Variants in ADRA1B observed in about 807,000 individuals in gnomAD.
ADRA1B encodes the protein adrenoceptor alpha 1B.
Under a neutral mutation model 17.9 loss-of-function variants are expected in ADRA1B, and 17 were observed. The observed-to-expected ratio is 0.95, with a 90% CI of 0.65 to 1.42. The LOEUF is 1.42. ADRA1B is among the 40% of genes most tolerant of loss of function. ADRA1B has a pLI of 0.00. For synonymous variants in ADRA1B, 366 were observed against 327.6 expected (o/e 1.12, Z -1.27); for missense variants, 681 against 722.1 (o/e 0.94, Z 0.65).
At chr5:159,987,222 C>T in the ADRA1B span, among the ~76,000 whole-genome samples, 3 of 152,350 alleles carry the variant, frequency 2.0e-5, no homozygotes, top group South Asian at 6.2e-4. Flanking sequence ...CCTCTGCAGG[C>T]CCGTAAATAT....
At chr5:159,876,950 T>C (rs1292096036) in intron 1 of ADRA1B, among the ~76,000 whole-genome samples, 2 of 152,182 alleles carry the variant, frequency 1.3e-5, no homozygotes, top group Non-Finnish European at 2.9e-5. Flanking sequence ...CAGGTTCCCA[T>C]CCCTACCAAG....
chr5:159,918,214 C>T (rs749353355), intron 1 of ADRA1B, among the ~76,000 whole-genome samples: 2 of 152,174 alleles, frequency 1.3e-5, no homozygotes, highest in Non-Finnish European at 2.9e-5. Context: ...GCTAAGGCAG[C>T]GTCACTAATG....
At chr5:159,887,419 C>T (rs1431965495) in intron 1 of ADRA1B, among the ~76,000 whole-genome samples, 1 of 152,192 alleles carries the variant, frequency 6.6e-6, no homozygotes, top group Non-Finnish European at 1.5e-5. Context: ...ATCATCTTAT[C>T]AGATGGATGT....
chr5:159,972,478 C>A lies in ADRA1B; in HGVS notation c.1549C>A (p.Pro517Thr). 7.2e-7 allele frequency: 1 copy of A among 1,383,868 alleles called. No individual in the cohort carries two copies. Among genetic ancestry groups the A allele is most frequent in the Non-Finnish European group, 9.5e-7 (1 of 1,056,010 alleles). The allele number at this position is 1,383,868 out of a possible 1,614,324, so 85.7% of individuals were successfully genotyped here. A position where few individuals can be genotyped will look rare whatever the true frequency, so the allele number is the denominator to read the frequency against. The change falls in exon 2 of 2, where the codon CCC (proline) becomes ACC (threonine). Residue 517 changes from proline to threonine, a missense_variant. Pro to Thr is a conservative substitution (Grantham distance 38). Transcript: ENST00000306675. ...PGFKSNMPLA[P>T]GQF ...CTTCAAAAGCAACATGCCCCTGGCG[C>A]CCGGGCAGTTTTAGGGCCCCCGTGC...
At chr5:159,910,070 G>T (rs1163664505) in intron 1 of ADRA1B, among the ~76,000 whole-genome samples, 1 of 152,022 alleles carries the variant, frequency 6.6e-6, no homozygotes, top group Non-Finnish European at 1.5e-5. Flanking sequence ...ATACATATAC[G>T]CACACACATA....
chr5:159,910,863 A>T (rs926966775), intron 1 of ADRA1B, among the ~76,000 whole-genome samples: 2 of 152,088 alleles, frequency 1.3e-5, no homozygotes, highest in African/African-American at 4.8e-5. Context: ...TAAGGAACCT[A>T]TTGCCATAGG....
At chr5:159,982,961 C>T in the ADRA1B span, among the ~76,000 whole-genome samples, 3 of 152,330 alleles carry the variant, frequency 2.0e-5, no homozygotes, top group East Asian at 1.9e-4. Context: ...TCTGAACGTG[C>T]GTGCACACAC....
intron 1 of ADRA1B, chr5:159,888,475 T>C (rs898398389): frequency 1.3e-5 from 2 of 152,018 alleles, no homozygotes; most frequent in African/African-American, 4.8e-5. Context: ...AAATGTAAAG[T>C]ATTTTATTCT....
chr5:159,953,879 T>C (rs891247456), intron 1 of ADRA1B, among the ~76,000 whole-genome samples: 2 of 151,588 alleles, frequency 1.3e-5, no homozygotes, highest in African/African-American at 4.9e-5. Context: ...TTTATCTATG[T>C]GAAAAGAGCT....
At chr5:159,967,116 T>C (rs1755790249) in intron 1 of ADRA1B, among the ~76,000 whole-genome samples, 1 of 152,198 alleles carries the variant, frequency 6.6e-6, no homozygotes, top group Non-Finnish European at 1.5e-5. Flanking sequence ...GTATTTTCAC[T>C]CTAGACTTAA....
At chr5:159,943,010 G>A (rs1321596374) in intron 1 of ADRA1B, among the ~76,000 whole-genome samples, 3 of 151,984 alleles carry the variant, frequency 2.0e-5, no homozygotes, top group African/African-American at 7.3e-5. Flanking sequence ...TCAGGAGTTC[G>A]AGACCAGTCT....
upstream of ADRA1B, among the ~76,000 whole-genome samples, chr5:159,914,107 G>A (rs79063318): frequency 0.015 from 2,248 of 152,216 alleles, 27 homozygotes; most frequent in Non-Finnish European, 0.022. Flanking sequence ...AGGTGCCTTC[G>A]GGGGCCACTT....
chr5:159,915,182 T>C (rs1581028849), upstream of ADRA1B, among the ~76,000 whole-genome samples: 1 of 152,132 alleles, frequency 6.6e-6, no homozygotes, highest in East Asian at 1.9e-4. Flanking sequence ...GGGGGAAAAG[T>C]ATGACACAGT....
intron 1 of ADRA1B, among the ~76,000 whole-genome samples, chr5:159,889,599 G>A (rs1561583352): frequency 6.6e-6 from 1 of 152,156 alleles, no homozygotes; most frequent in Non-Finnish European, 1.5e-5. Context: ...TCCTGATGGC[G>A]AAGTAGCCAC....
At chr5:159,891,441 A>G (rs1753982329) in intron 1 of ADRA1B, among the ~76,000 whole-genome samples, 1 of 152,142 alleles carries the variant, frequency 6.6e-6, no homozygotes, top group East Asian at 1.9e-4. Context: ...CTCAGCAAGA[A>G]GTAGGGTTCC....
chr5:159,936,117 C>G (rs749892327), intron 1 of ADRA1B, among the ~76,000 whole-genome samples: 3 of 152,152 alleles, frequency 2.0e-5, no homozygotes, highest in Non-Finnish European at 2.9e-5. Context: ...CCCCAGGGGA[C>G]GTTTAGCAAT....
chr5:159,933,766 A>T (rs1754876048), intron 1 of ADRA1B, among the ~76,000 whole-genome samples: 2 of 152,238 alleles, frequency 1.3e-5, no homozygotes, highest in South Asian at 4.1e-4. Flanking sequence ...CTGGCAGCCC[A>T]CATCAGTGGT....
downstream of ADRA1B, among the ~76,000 whole-genome samples, chr5:159,975,893 G>A (rs1755962526): frequency 6.6e-6 from 1 of 152,126 alleles, no homozygotes; most frequent in African/African-American, 2.4e-5. Context: ...CAGACTGCTG[G>A]GTCATTGTCA....
chr5:159,938,349 C>T (rs767143129), intron 1 of ADRA1B, among the ~76,000 whole-genome samples: 79 of 152,140 alleles, frequency 5.2e-4, no homozygotes, highest in Admixed American at 3.8e-3. Context: ...AACCAGGGGC[C>T]CTTATCCTCA....
Sources: gnomAD v4.1 joint callset for allele counts (sites outside exome capture counted in the v4.1 genomes callset) on GRCh38, gnomAD v4.1.1 for gene constraint, MANE v1.5 for transcripts, NCBI Gene and HGNC (gene_info 2026-07-23, HGNC 2026-07-21) for gene names.